Variants in CHFR observed in about 807,000 individuals in gnomAD.
The protein encoded by CHFR is E3 ubiquitin-protein ligase CHFR.
CHFR carries 57 observed loss-of-function variants against 87.6 expected under a neutral mutation model. The ratio of observed to expected loss-of-function variants is 0.65; its 90% CI spans 0.53 to 0.81. CHFR has a LOEUF of 0.81. Among genes scored for constraint, CHFR ranks in the 30% least tolerant of loss-of-function variants. The probability of loss-of-function intolerance (pLI) is 0.00; values close to 1 mark genes in which losing one functional copy is unlikely to be tolerated. For missense variants in CHFR, 797 were observed against 865.8 expected, an observed-to-expected ratio of 0.92 and a Z score of 1.00; for synonymous variants, 381 against 359.2, an observed-to-expected ratio of 1.06 and a Z score of -0.69.
chr12:132,848,292 A>C, intron 13 of CHFR, 137 bp from the exon 14 acceptor site: 1 of 1,474,332 alleles, frequency 6.8e-7, no homozygotes, highest in East Asian at 2.5e-5. Flanking sequence ...ATAAAACTCA[A>C]TTTTAAACAG....
intron 14 of CHFR, chr12:132,847,542 C>T: frequency 9.3e-7 from 1 of 1,073,784 alleles, no homozygotes; most frequent in African/African-American, 1.7e-5. Flanking sequence ...CTGTGGGCAT[C>T]AAAGCAGAGT....
chr12:132,852,692 T>C (rs11615963), intron 11 of CHFR, among the ~76,000 whole-genome samples: 31,408 of 152,208 alleles, frequency 0.21, 3,475 homozygotes, highest in African/African-American at 0.27. Flanking sequence ...CCCAGGCTGG[T>C]GGATGGGCAT....
chr12:132,858,793 A>G (rs1301336934), intron 8 of CHFR, among the ~76,000 whole-genome samples: 2 of 149,208 alleles, frequency 1.3e-5, no homozygotes, highest in African/African-American at 4.9e-5. Flanking sequence ...AAAAAAAAAA[A>G]GTCAGCCAGG....
intron 2 of CHFR, among the ~76,000 whole-genome samples, chr12:132,880,727 G>A (rs932570281): frequency 2.0e-5 from 3 of 152,020 alleles, no homozygotes; most frequent in African/African-American, 4.8e-5. Context: ...AGCACGTTGG[G>A]AGGCCGAGGC....
intron 3 of CHFR, among the ~76,000 whole-genome samples, chr12:132,875,627 A>G (rs983752086): frequency 6.6e-6 from 1 of 152,196 alleles, no homozygotes; most frequent in African/African-American, 2.4e-5. Flanking sequence ...CCGTCTCAAA[A>G]AAGAGAAAAA....
rs1950734903 is a variant in CHFR at position 132,843,023 on chromosome 12, G to C, written c.1904C>G (p.Ala635Gly). 1.2e-6 allele frequency: 2 copies of C among 1,612,424 alleles called. No individual in the cohort carries two copies. The highest frequency in any genetic ancestry group is 2.7e-5 in the African/African-American group (2 of 74,920). The change falls in exon 17 of 18, where the codon GCT (alanine) becomes GGT (glycine). Residue 635 changes from alanine to glycine, a missense_variant. By Grantham distance (60) the Ala-to-Gly change is moderately conservative. Around this residue, in one of 2 missense-constraint regions of CHFR, gnomAD observed 200 missense variants for 264.6 expected, o/e 0.76. Coordinates refer to ENST00000450056, the MANE Select transcript of CHFR (RefSeq NM_001161346.2). Reference sequence around the variant, plus strand: ...CAGCTGCACTCACATGGCGTGGTGAGCTTTCACCTGAGTGCGGCAGTTACG... The same window carrying C: ...CAGCTGCACTCACATGGCGTGGTGACCTTTCACCTGAGTGCGGCAGTTACG... ...WGRNCRTQVKAHHAMKFNHIC... is the reference protein window; with the variant it reads ...WGRNCRTQVKGHHAMKFNHIC...
Position 132,847,077 on chromosome 12 carries a change from G to A in CHFR, c.1701C>T (p.Leu567=), listed in dbSNP as rs899313894. The change falls in exon 15 of 18, where the codon CTC becomes CTT. Residue 567 remains leucine (L), a synonymous_variant. Coordinates refer to ENST00000450056, the MANE Select transcript of CHFR (RefSeq NM_001161346.2). ...GAAACACTCCCCGCTGGAGAGCCAC[G>A]AGGCTCTCGGTCAACATGTTTTTCC... ...LTWKNMLTES[L]VALQRGVFLL... 19 of 1,613,606 alleles carry A rather than the reference G, an allele frequency of 1.2e-5. No homozygotes were observed. Among genetic ancestry groups the A allele is most frequent in the Non-Finnish European group, 1.5e-5 (18 of 1,179,768 alleles).
intron 2 of CHFR, among the ~76,000 whole-genome samples, chr12:132,881,485 T>G (rs1951768974): frequency 1.3e-5 from 2 of 152,184 alleles, no homozygotes; most frequent in South Asian, 4.1e-4. Flanking sequence ...ATTAAGCACA[T>G]GACAAAATGC....
At chr12:132,864,351 G>A (rs1462273030) in intron 6 of CHFR, among the ~76,000 whole-genome samples, 1 of 152,190 alleles carries the variant, frequency 6.6e-6, no homozygotes, top group East Asian at 1.9e-4. Context: ...ACGTGGAGAG[G>A]AGCACCATCT....
At chr12:132,847,952 A>G in intron 14 of CHFR, 133 bp downstream of exon 14, 1 of 1,520,334 alleles carries the variant, frequency 6.6e-7, no homozygotes. Context: ...CAGTGAGGAA[A>G]CATGGCTCCC....
chr12:132,843,232 G>C (rs1182049969), intron 16 of CHFR, 149 bp from the exon 17 acceptor site: 1 of 718,854 alleles, frequency 1.4e-6, no homozygotes, highest in Non-Finnish European at 2.5e-6. Context: ...GGACCGTTCT[G>C]AGATTTCAGG....
rs762683133 is a variant in CHFR at position 132,841,506 on chromosome 12, C to T, written c.*48G>A. The T allele has an allele frequency of 3.9e-6, 6 of 1,522,456 alleles. No individual in the cohort carries two copies. The South Asian group carries it at 5.6e-5, about 14-fold the overall frequency. The allele number at this position is 1,522,456 out of a possible 1,614,324, so 94.3% of individuals were successfully genotyped here. A position where few individuals can be genotyped will look rare whatever the true frequency, so the allele number is the denominator to read the frequency against. ...TGCTTGTCTCTGTATTTTAAAAACA[C>T]GCTCTCTTCACCTCCAGTGCTGAAA... On this transcript the variant is annotated 3_prime_UTR_variant, in exon 18 of 18. Coordinates refer to ENST00000450056, the MANE Select transcript of CHFR (RefSeq NM_001161346.2).
At position 132,848,709 on chromosome 12, in the gene CHFR, T is replaced by C. The variant is rs201237898; in HGVS notation, c.1508A>G (p.Gln503Arg). ...GCCCCAGTACAGGTGGCAGAAAGGC[T>C]GCAGGCAGACCGCACCTGTGGAGAG... The part of the protein sequence containing the change: ...VAPQQCAVCL[Q>R]PFCHLYWGCT... The change falls in exon 13 of 18, where the codon CAG (glutamine) becomes CGG (arginine). Residue 503 changes from glutamine to arginine, a missense_variant. Physicochemically the swap from Gln to Arg is conservative, Grantham distance 43. Around this residue, in one of 2 missense-constraint regions of CHFR, gnomAD observed 200 missense variants for 264.6 expected, o/e 0.76. Transcript: ENST00000450056. 1 of 1,587,572 alleles carries C rather than the reference T, an allele frequency of 6.3e-7. No homozygotes were observed. Among genetic ancestry groups the C allele is most frequent in the Non-Finnish European group, 8.6e-7 (1 of 1,167,084 alleles).
chr12:132,870,312 A>G (rs1031172672), intron 5 of CHFR, among the ~76,000 whole-genome samples: 2 of 151,778 alleles, frequency 1.3e-5, no homozygotes, highest in African/African-American at 2.4e-5. Context: ...AGATCGCGCC[A>G]CTGCACTCCA....
intron 15 of CHFR, among the ~76,000 whole-genome samples, chr12:132,846,051 T>C (rs1261260204): frequency 6.6e-6 from 1 of 152,180 alleles, no homozygotes; most frequent in African/African-American, 2.4e-5. Flanking sequence ...TTCTTCCCCA[T>C]GTTGCCTTTC....
chr12:132,856,439 C>G (rs1272809780), intron 10 of CHFR, 29 bp downstream of exon 10: 2 of 1,611,778 alleles, frequency 1.2e-6, no homozygotes. Context: ...GGCTCACACA[C>G]TCTGCTCTGA....
chr12:132,870,404 A>AC (rs1482651980), intron 5 of CHFR, among the ~76,000 whole-genome samples: 1 of 134,772 alleles, frequency 7.4e-6, no homozygotes, highest in African/African-American at 2.9e-5. Flanking sequence ...TGACGGTGCA[A>AC]CCTGTAATCC....
chr12:132,857,381 G>T (rs1411160870), intron 9 of CHFR, 24 bp downstream of exon 9: 4 of 1,612,610 alleles, frequency 2.5e-6, no homozygotes, highest in Non-Finnish European at 3.4e-6. Flanking sequence ...GTGCCCGGGT[G>T]CTGGTGTGGA....
At chr12:132,843,752 C>A (rs939979887) in intron 16 of CHFR, among the ~76,000 whole-genome samples, 1 of 152,022 alleles carries the variant, frequency 6.6e-6, no homozygotes, top group African/African-American at 2.4e-5. Context: ...AGTTCGAGAC[C>A]AGCCTGGCCA....
Sources: gnomAD v4.1 joint callset for allele counts (sites outside exome capture counted in the v4.1 genomes callset) on GRCh38, gnomAD v4.1.1 for gene constraint, gnomAD v4.1.1 regional missense constraint, MANE v1.5 for transcripts, NCBI Gene and HGNC (gene_info 2026-07-23, HGNC 2026-07-21) for gene names.